ZNF423: variants seen among roughly 807,000 people sequenced by gnomAD.
ZNF423 encodes the protein zinc finger protein 423, also known as Ebf-associated zinc finger protein.
A neutral mutation model predicts 95.8 loss-of-function variants in ZNF423; 12 were observed. The ratio of observed to expected loss-of-function variants is 0.13; its 90% CI spans 0.08 to 0.20. ZNF423 has a LOEUF of 0.20. Among genes scored for constraint, ZNF423 ranks in the 10% least tolerant of loss-of-function variants. The probability of loss-of-function intolerance (pLI) is 1.00; values close to 1 mark genes in which losing one functional copy is unlikely to be tolerated. For missense variants in ZNF423, 1,316 were observed against 1,737.1 expected (o/e 0.76, Z 4.31); for synonymous variants, 749 against 711.9 (o/e 1.05, Z -0.83).
At chr16:49,762,019 C>T (rs902087513) in intron 2 of ZNF423, among the ~76,000 whole-genome samples, 3 of 151,882 alleles carry the variant, frequency 2.0e-5, no homozygotes, top group Non-Finnish European at 4.4e-5. Flanking sequence ...ACTATGTTGC[C>T]CAGGATGGTC....
At chr16:49,495,655 G>C (rs966913494) in intron 7 of ZNF423, among the ~76,000 whole-genome samples, 1 of 152,218 alleles carries the variant, frequency 6.6e-6, no homozygotes, top group African/African-American at 2.4e-5. Flanking sequence ...CCAGAGTACA[G>C]AGCCTGGTGG....
Position 49,513,552 on chromosome 16 carries a change from C to A in ZNF423, c.3849+10072G>T, listed in dbSNP as rs75408199. Among the ~76,000 whole-genome samples, 876 of 152,212 alleles carry A rather than the reference C, an allele frequency of 5.8e-3. 12 individuals are homozygous for A. Among genetic ancestry groups the A allele is most frequent in the African/African-American group, 0.019 (794 of 41,506 alleles). On this transcript the variant is annotated intron_variant, in intron 7 of 7. Transcript: ENST00000563137. ...TGGGCTCCCGGAATCTGTGGGTTTC[C>A]CCTTCTTCCTTTTCCTCCTTTCCTG... is the stretch of plus-strand genomic sequence containing the variant.
intron 1 of ZNF423, among the ~76,000 whole-genome samples, chr16:49,794,591 T>C (rs2034470224): frequency 1.3e-5 from 2 of 152,210 alleles, no homozygotes; most frequent in Non-Finnish European, 2.9e-5. Flanking sequence ...ATGTGTGAGA[T>C]GCAGAAAGGC....
At position 49,637,495 on chromosome 16, in the gene ZNF423, C is replaced by A. The variant is rs1197410411; in HGVS notation, c.1681G>T (p.Val561Leu). ...TCCATGAAGGACTGCGTGGGCTGCA[C>A]CACCGGAGACTCTAGTTTGGCACTG... ...VGSAKLESPV[V>L]QPTQSFMEVY... The change falls in exon 4 of 8, where the codon GTG becomes TTG. Residue 561 changes from valine (V) to leucine (L), a missense_variant. Val to Leu is a conservative substitution (Grantham distance 32, BLOSUM62 1). Coordinates refer to ENST00000563137, the MANE Select transcript of ZNF423 (RefSeq NM_001379286.1). This position sits in a 1 kb window ranked among gnomAD's most constrained non-coding sequence, Gnocchi z 5.6. 6.2e-7 allele frequency: 1 copy of A among 1,614,010 alleles called. No individual in the cohort carries two copies.
At position 49,652,538 on chromosome 16, in the gene ZNF423, C is replaced by A. The variant is rs541282519; in HGVS notation, c.302-13664G>T. ...GAAGGTTCTCCTGCCAGCCTCCTGG[C>A]GTGGACCTCCTGCGCACCCTGACAT... is the stretch of plus-strand genomic sequence containing the variant. On this transcript the variant is annotated intron_variant, in intron 3 of 7. Coordinates refer to ENST00000563137, the MANE Select transcript of ZNF423 (RefSeq NM_001379286.1). Among the ~76,000 whole-genome samples, 5 of 152,266 alleles carry A rather than the reference C, an allele frequency of 3.3e-5. No individual in the cohort carries two copies. In the South Asian group the frequency reaches 1.0e-3, roughly 32 times the overall value.
chr16:49,677,907 G>A (rs1393077933), intron 3 of ZNF423, among the ~76,000 whole-genome samples: 1 of 152,044 alleles, frequency 6.6e-6, no homozygotes. Context: ...TTTTGGCCAG[G>A]CGCAGTGGCT....
intron 1 of ZNF423, among the ~76,000 whole-genome samples, chr16:49,838,313 T>G (rs558776754): frequency 6.6e-6 from 1 of 152,300 alleles, no homozygotes; most frequent in African/African-American, 2.4e-5. Flanking sequence ...ACTGGGCCAT[T>G]TATTTTACTT....
At chr16:49,854,996 G>T (rs1457776406) in intron 1 of ZNF423, 1 of 984,880 alleles carries the variant, frequency 1.0e-6, no homozygotes, top group Non-Finnish European at 1.2e-6. Context: ...CGCGCACCGC[G>T]GCCGCTGAGC....
intron 5 of ZNF423, among the ~76,000 whole-genome samples, chr16:49,586,499 C>T (rs1481212689): frequency 6.6e-6 from 1 of 152,252 alleles, no homozygotes; most frequent in Non-Finnish European, 1.5e-5. Flanking sequence ...GGCAGCATTC[C>T]CTCTTGCATG....
chr16:49,515,406 T>C (rs1008951558), intron 7 of ZNF423, among the ~76,000 whole-genome samples: 5 of 152,248 alleles, frequency 3.3e-5, no homozygotes, highest in African/African-American at 1.2e-4. Flanking sequence ...ATCTATTAGC[T>C]CATATAAATG....
chr16:49,705,954 G>A lies in ZNF423; in HGVS notation c.301+24817C>T, dbSNP rs546426609. 1.3e-5 allele frequency among the ~76,000 whole-genome samples: 2 copies of A among 152,168 alleles called. 1 individual carries two copies. The highest frequency in any genetic ancestry group is 1.3e-4 in the Admixed American group (2 of 15,272). Reference sequence around the variant, plus strand: ...TCTGGGAACCCCAGAGAAGGCACGTGGACGACCATCTGTGTAGAGGTCAGG... The same window carrying A: ...TCTGGGAACCCCAGAGAAGGCACGTAGACGACCATCTGTGTAGAGGTCAGG... On this transcript the variant is annotated intron_variant, in intron 3 of 7. Coordinates refer to ENST00000563137, the MANE Select transcript of ZNF423 (RefSeq NM_001379286.1).
At chr16:49,842,805 C>T (rs1463445475) in intron 1 of ZNF423, among the ~76,000 whole-genome samples, 1 of 152,034 alleles carries the variant, frequency 6.6e-6, no homozygotes, top group Admixed American at 6.5e-5. Context: ...GAAACCCTAT[C>T]TCCACTAAAA....
At chr16:49,837,179 C>T (rs923057349) in intron 1 of ZNF423, among the ~76,000 whole-genome samples, 34 of 152,104 alleles carry the variant, frequency 2.2e-4, no homozygotes. Flanking sequence ...ACAGAGGGGG[C>T]CCTGGCGAGC....
rs1019830098 is a variant in ZNF423, at chr16:49,517,286, T to G, written c.3849+6338A>C. On this transcript the variant is annotated intron_variant, in intron 7 of 7. Transcript: ENST00000563137. The stretch of plus-strand genomic sequence containing the variant: ...CAGAGAGTGATGCCTGAGCCATGAC[T>G]ATCCAGGACCAAAACCCCTGTTCTG... Among the ~76,000 whole-genome samples the G allele has an allele frequency of 3.0e-4, 46 of 152,198 alleles. 1 individual carries two copies. Among genetic ancestry groups the G allele is most frequent in the Admixed American group, 2.9e-3 (45 of 15,284 alleles).
At chr16:49,581,246 A>G (rs12924091) in intron 5 of ZNF423, among the ~76,000 whole-genome samples, 38,295 of 152,186 alleles carry the variant, frequency 0.25, 4,985 homozygotes, top group East Asian at 0.42. Context: ...TGATTAAGCA[A>G]TTGGGAGCGG....
At chr16:49,661,467 G>A (rs1438937499) in intron 3 of ZNF423, among the ~76,000 whole-genome samples, 2 of 152,208 alleles carry the variant, frequency 1.3e-5, no homozygotes, top group African/African-American at 4.8e-5. Context: ...CCCTCCACAA[G>A]GAACACACAG....
chr16:49,641,244 T>C (rs1171416208), intron 3 of ZNF423, among the ~76,000 whole-genome samples: 3 of 152,184 alleles, frequency 2.0e-5, no homozygotes, highest in African/African-American at 7.2e-5. Flanking sequence ...ACTGTCCACA[T>C]TCAGGCCCCT....
Position 49,638,764 on chromosome 16 carries a change from C to T in ZNF423, c.412G>A (p.Glu138Lys), listed in dbSNP as rs1555516148. ...GDGCDLGLGE[E>K]EGGTGLPYPC... is the part of the protein sequence containing the mutation. ...TATGGCAGGCCCGTGCCCCCTTCCTCCTCGCCGAGGCCGAGGTCACAACCA... is the reference window on the plus strand; with the variant it reads ...TATGGCAGGCCCGTGCCCCCTTCCTTCTCGCCGAGGCCGAGGTCACAACCA... The change falls in exon 4 of 8, where the codon GAG (glutamate) becomes AAG (lysine). Residue 138 changes from glutamate (E) to lysine (K), a missense_variant. Glu to Lys is a moderately conservative substitution (Grantham distance 56). This residue lies in a region of ZNF423 where 155 missense variants were observed against 170.8 expected (regional missense o/e 0.91). Transcript: ENST00000563137. This position sits in a 1 kb window ranked among gnomAD's most constrained non-coding sequence, Gnocchi z 5.6. The T allele has an allele frequency of 1.2e-6, 2 of 1,614,158 alleles. No individual in the cohort carries two copies. The highest frequency in any genetic ancestry group is 1.3e-5 in the African/African-American group (1 of 75,054).
intron 5 of ZNF423, among the ~76,000 whole-genome samples, chr16:49,623,549 A>G (rs146750220): frequency 2.0e-5 from 3 of 152,376 alleles, no homozygotes; most frequent in African/African-American, 7.2e-5. Flanking sequence ...CTACAAAAGC[A>G]AACATTTTTA....
Sources: allele counts gnomAD v4.1 joint callset (sites outside exome capture counted in the v4.1 genomes callset), GRCh38; gene constraint gnomAD v4.1.1; regional missense constraint gnomAD v4.1.1; non-coding constraint Gnocchi (gnomAD v3.1); transcripts MANE v1.5; gene names NCBI Gene and HGNC (gene_info 2026-07-23, HGNC 2026-07-21).